The following FBXW7 variants were observed in gnomAD, a reference collection of about 807,000 sequenced individuals.
FBXW7 encodes the protein F-box and WD repeat domain containing 7.
FBXW7 carries 11 observed loss-of-function variants against 86.3 expected under a neutral mutation model. The ratio of observed to expected loss-of-function variants is 0.13; its 90% CI spans 0.08 to 0.21. The LOEUF is 0.21. FBXW7 is among the 10% of genes least tolerant of loss of function. FBXW7 has a pLI of 1.00. For synonymous variants in FBXW7, 313 were observed against 297.9 expected, an observed-to-expected ratio of 1.05 and a Z score of -0.52; for missense variants, 488 against 847.4, an observed-to-expected ratio of 0.58 and a Z score of 5.27.
chr4:152,456,843 A>G (rs1742462716), intron 2 of FBXW7, among the ~76,000 whole-genome samples: 1 of 152,222 alleles, frequency 6.6e-6, no homozygotes, highest in East Asian at 1.9e-4. Context: ...TACACCTACT[A>G]TATGAATCAG....
intron 4 of FBXW7, among the ~76,000 whole-genome samples, chr4:152,363,998 T>C (rs1007345074): frequency 1.3e-5 from 2 of 152,140 alleles, no homozygotes; most frequent in African/African-American, 2.4e-5. Context: ...TGCAAATGTG[T>C]GATGTGAATA....
chr4:152,436,735 C>T (rs1230001030), intron 2 of FBXW7, among the ~76,000 whole-genome samples: 1 of 152,102 alleles, frequency 6.6e-6, no homozygotes, highest in Non-Finnish European at 1.5e-5. Context: ...CTGTAGAGCT[C>T]TTAAGAATTA....
intron 2 of FBXW7, among the ~76,000 whole-genome samples, chr4:152,518,415 G>C: frequency 6.6e-6 from 1 of 151,834 alleles, no homozygotes; most frequent in East Asian, 1.9e-4. Context: ...TCCCACCTCA[G>C]CCTCCCAAGT....
At chr4:152,495,586 A>G (rs1457097921) in intron 2 of FBXW7, among the ~76,000 whole-genome samples, 1 of 152,222 alleles carries the variant, frequency 6.6e-6, no homozygotes, top group Non-Finnish European at 1.5e-5. Context: ...TCTTCCCTAC[A>G]ATGGGTTGCT....
At chr4:152,469,667 A>G (rs565287763) in intron 2 of FBXW7, among the ~76,000 whole-genome samples, 1 of 152,232 alleles carries the variant, frequency 6.6e-6, no homozygotes, top group Non-Finnish European at 1.5e-5. Flanking sequence ...TTTTATTCAT[A>G]AAGTATTAGC....
chr4:152,348,998 T>A (rs550051604), intron 5 of FBXW7, among the ~76,000 whole-genome samples: 51 of 152,212 alleles, frequency 3.4e-4, no homozygotes, highest in African/African-American at 1.2e-3. Flanking sequence ...CTTCACTTTT[T>A]GAATGTAAGA....
intron 4 of FBXW7, among the ~76,000 whole-genome samples, chr4:152,354,550 G>A (rs569407971): frequency 3.3e-5 from 5 of 152,116 alleles, no homozygotes; most frequent in East Asian, 1.9e-4. Flanking sequence ...TATATACTTT[G>A]GCTTCAACTG....
At chr4:152,400,154 T>C (rs928576539) in intron 4 of FBXW7, among the ~76,000 whole-genome samples, 3 of 152,278 alleles carry the variant, frequency 2.0e-5, no homozygotes, top group Admixed American at 6.5e-5. Context: ...ACAGTGATCT[T>C]TGACAATGGA....
At chr4:152,496,130 C>CCA (rs1177329582) in intron 2 of FBXW7, among the ~76,000 whole-genome samples, 1 of 152,022 alleles carries the variant, frequency 6.6e-6, no homozygotes, top group Non-Finnish European at 1.5e-5. Flanking sequence ...TGAGCAGTGA[C>CCA]CACACCACTG....
At chr4:152,326,252 A>T (rs759277957) in intron 11 of FBXW7, 21 bp from the exon 12 acceptor site, 1 of 1,571,302 alleles carries the variant, frequency 6.4e-7, no homozygotes, top group Admixed American at 1.8e-5. Context: ...AGAAACAGAA[A>T]AACAAAACAA....
At chr4:152,413,839 G>T (rs1336204908) in intron 2 of FBXW7, among the ~76,000 whole-genome samples, 1 of 152,012 alleles carries the variant, frequency 6.6e-6, no homozygotes, top group East Asian at 1.9e-4. Flanking sequence ...TCACAACTCT[G>T]CATGCATGCA....
chr4:152,328,856 A>G (rs1441505246), intron 10 of FBXW7: 5 of 152,242 alleles, frequency 3.3e-5, no homozygotes, highest in African/African-American at 9.7e-5. Context: ...CTAGACAAGT[A>G]AAGACAGACA....
At chr4:152,430,294 T>C (rs1739768674) in intron 2 of FBXW7, among the ~76,000 whole-genome samples, 1 of 152,196 alleles carries the variant, frequency 6.6e-6, no homozygotes, top group African/African-American at 2.4e-5. Flanking sequence ...CACAGCATTA[T>C]TTGTATTGAA....
intron 2 of FBXW7, among the ~76,000 whole-genome samples, chr4:152,450,583 G>T (rs1366448293): frequency 6.6e-6 from 1 of 152,162 alleles, no homozygotes; most frequent in Non-Finnish European, 1.5e-5. Context: ...GGGAAGCTAA[G>T]AGTAGTAATG....
In FBXW7 at chr4:152,411,872, T is replaced by C; in HGVS notation, c.-69A>G. On this transcript the variant is annotated splice_region_variant and 5_prime_UTR_variant, in exon 4 of 14. Coordinates refer to ENST00000281708, the MANE Select transcript of FBXW7 (RefSeq NM_001349798.2). Reference sequence around the variant, plus strand: ...TCAGAAGATGCAAAGGTTTTCACATTCTGCAGGGGAAAATAGGGTAAAAAA... The same window carrying C: ...TCAGAAGATGCAAAGGTTTTCACATCCTGCAGGGGAAAATAGGGTAAAAAA... 1 of 1,476,746 alleles carries C rather than the reference T, an allele frequency of 6.8e-7. No homozygotes were observed. The highest frequency in any genetic ancestry group is 9.0e-7 in the Non-Finnish European group (1 of 1,113,820). The allele number at this position is 1,476,746 out of a possible 1,614,324, so 91.5% of individuals were successfully genotyped here.
At chr4:152,499,925 A>G (rs1287220936) in intron 2 of FBXW7, among the ~76,000 whole-genome samples, 1 of 152,146 alleles carries the variant, frequency 6.6e-6, no homozygotes, top group Non-Finnish European at 1.5e-5. Context: ...AAAGAATTCA[A>G]GTCAGTGCAT....
chr4:152,411,877 A>T lies in FBXW7; in HGVS notation c.-69-5T>A. 6.8e-7 allele frequency: 1 copy of T among 1,462,268 alleles called. No homozygotes were observed. The highest frequency in any genetic ancestry group is 1.4e-5 in the South Asian group (1 of 69,292). 90.6% of individuals were successfully genotyped at this position (1,462,268 alleles called of 1,614,324 possible). On this transcript the variant is annotated splice_polypyrimidine_tract_variant and splice_region_variant and intron_variant, in intron 3 of 13. Transcript: ENST00000281708. Reference sequence around the variant, plus strand: ...AGATGCAAAGGTTTTCACATTCTGCAGGGGAAAATAGGGTAAAAAACAAGA... The same window carrying T: ...AGATGCAAAGGTTTTCACATTCTGCTGGGGAAAATAGGGTAAAAAACAAGA...
chr4:152,473,773 T>C (rs909049963), intron 2 of FBXW7, among the ~76,000 whole-genome samples: 3 of 152,160 alleles, frequency 2.0e-5, no homozygotes, highest in Non-Finnish European at 2.9e-5. Context: ...CCAATTCAGA[T>C]ACTTATCTTT....
chr4:152,346,102 T>C (rs1731237031), intron 6 of FBXW7, among the ~76,000 whole-genome samples: 1 of 152,182 alleles, frequency 6.6e-6, no homozygotes, highest in Non-Finnish European at 1.5e-5. Flanking sequence ...ATTATCTTAC[T>C]GGAAGAAGAG....
Sources: gnomAD v4.1 joint callset for allele counts (sites outside exome capture counted in the v4.1 genomes callset) on GRCh38, gnomAD v4.1.1 for gene constraint, MANE v1.5 for transcripts, NCBI Gene and HGNC (gene_info 2026-07-23, HGNC 2026-07-21) for gene names.